The following COQ5 variants were observed in gnomAD, a reference collection of about 807,000 sequenced individuals.
COQ5 encodes 2-methoxy-6-polyprenyl-1,4-benzoquinol methylase, mitochondrial.
COQ5 carries 27 observed loss-of-function variants against 40.5 expected under a neutral mutation model. The ratio of observed to expected loss-of-function variants is 0.67; its 90% CI spans 0.49 to 0.92. The LOEUF is 0.92. Ranked by LOEUF, COQ5 falls within the 40% of genes least tolerant of loss-of-function variation. The pLI is 0.00. For synonymous variants in COQ5, 141 were observed against 150.0 expected, an observed-to-expected ratio of 0.94 and a Z score of 0.44; for missense variants, 409 against 406.4, an observed-to-expected ratio of 1.01 and a Z score of -0.06.
chr12:120,527,185 A>G (rs1869993016), intron 1 of COQ5: 1 of 151,220 alleles, frequency 6.6e-6, no homozygotes, highest in Non-Finnish European at 1.5e-5. Flanking sequence ...CAGGTTCAAG[A>G]AATTTGCCTG....
intron 4 of COQ5, among the ~76,000 whole-genome samples, chr12:120,505,916 C>T (rs1398339034): frequency 6.6e-6 from 1 of 151,570 alleles, no homozygotes; most frequent in African/African-American, 2.4e-5. Context: ...AGTGCAATGG[C>T]ATGATCTCAG....
At chr12:120,525,161 G>A (rs763921654) in intron 1 of COQ5, among the ~76,000 whole-genome samples, 18 of 151,858 alleles carry the variant, frequency 1.2e-4, no homozygotes, top group Admixed American at 5.3e-4. Context: ...GTACAGTGGC[G>A]CAATCTCGGC....
intron 2 of COQ5, among the ~76,000 whole-genome samples, chr12:120,516,995 A>C (rs1869406631): frequency 6.6e-6 from 1 of 152,214 alleles, no homozygotes; most frequent in South Asian, 2.1e-4. Context: ...GTGCAGAGGC[A>C]CAATCATAGC....
chr12:120,516,968 C>A (rs1019384448), intron 2 of COQ5, among the ~76,000 whole-genome samples, 180 bp from the exon 3 acceptor site: 7 of 152,250 alleles, frequency 4.6e-5, no homozygotes, highest in Non-Finnish European at 1.0e-4. Context: ...GGGACTCACT[C>A]CATCACCCTA....
intron 4 of COQ5, among the ~76,000 whole-genome samples, chr12:120,505,670 C>T (rs1261497817): frequency 6.6e-6 from 1 of 151,722 alleles, no homozygotes; most frequent in Non-Finnish European, 1.5e-5. Flanking sequence ...GATTTTCCTG[C>T]CTCAGCCTCC....
At chr12:120,523,422 TG>T in intron 1 of COQ5, 1 of 406,926 alleles carries the variant, frequency 2.5e-6, no homozygotes, top group Non-Finnish European at 4.8e-6. Flanking sequence ...CTGTGTGTGG[TG>T]TGGTTCTTAG....
At chr12:120,508,545 A>G (rs1186520932) in intron 4 of COQ5, among the ~76,000 whole-genome samples, 1 of 152,078 alleles carries the variant, frequency 6.6e-6, no homozygotes, top group Non-Finnish European at 1.5e-5. Context: ...AAAACATAGG[A>G]AAAAAAAGAA....
At chr12:120,514,326 G>C (rs140657355) in intron 3 of COQ5, among the ~76,000 whole-genome samples, 1 of 152,182 alleles carries the variant, frequency 6.6e-6, no homozygotes, top group Non-Finnish European at 1.5e-5. Context: ...ACTCATGGTG[G>C]GGGAGGAGAA....
chr12:120,517,442 G>A (rs547986053), intron 2 of COQ5, among the ~76,000 whole-genome samples: 34 of 151,516 alleles, frequency 2.2e-4, no homozygotes, highest in Admixed American at 1.4e-3. Flanking sequence ...AGGCCGAGGC[G>A]GTTGGATCAC....
In COQ5 at chr12:120,529,115, T is replaced by A; in HGVS notation, c.27A>T (p.Leu9=). Residue 9 remains leucine (L), a synonymous_variant, in exon 1 of 7, where the codon CTA becomes CTT. Coordinates refer to ENST00000288532, the MANE Select transcript of COQ5 (RefSeq NM_032314.4). MAAPGSCA[L]WSYCGRGWSR... is the part of the protein sequence containing the mutation. ...ACCACCCACGGCCGCAATAGCTCCA[T>A]AGAGCACAGCTCCCGGGGGCCGCCA... 6.2e-7 allele frequency: 1 copy of A among 1,613,926 alleles called. No individual in the cohort carries two copies. The highest frequency in any genetic ancestry group is 8.5e-7 in the Non-Finnish European group (1 of 1,179,932).
rs981437226 is a variant in COQ5 at position 120,522,616 on chromosome 12, G to A, written c.203-253C>T. The A allele has an allele frequency of 4.0e-5, 26 of 651,010 alleles. No homozygotes were observed. In the African/African-American group the frequency reaches 4.5e-4, roughly 11 times the overall value. 40.3% of individuals were successfully genotyped at this position (651,010 alleles called of 1,614,324 possible). A position where few individuals can be genotyped will look rare whatever the true frequency, so the allele number is the denominator to read the frequency against. On this transcript the variant is annotated intron_variant, in intron 1 of 6. Coordinates refer to ENST00000288532, the MANE Select transcript of COQ5 (RefSeq NM_032314.4). ...GCCCCATGCAGATGGCAGTCCAGGG[G>A]GGTCACACCAGTCCTTCTGTCCTCA...
At chr12:120,520,510 G>GAGACAGGGTTTCACCATGTTGGCCA (rs1869596159) in intron 2 of COQ5, among the ~76,000 whole-genome samples, 1 of 152,086 alleles carries the variant, frequency 6.6e-6, no homozygotes, top group South Asian at 2.1e-4. Context: ...ATTTTTAGTA[G>GAGACAGGGTTTCACCATGTTGGCCA]AGACAGGGTT....
intron 1 of COQ5, among the ~76,000 whole-genome samples, chr12:120,526,698 A>ATTTTTTTTTTTTTTTTTTTTTTTTTTTTT (rs61584250): frequency 4.7e-5 from 3 of 64,150 alleles, no homozygotes; most frequent in African/African-American, 2.5e-4. Flanking sequence ...ACTCTTGGCA[A>ATTTTTTTTTTTTTTTTTTTTTTTTTTTTT]TTTTTTTTTT....
In COQ5 at chr12:120,503,726, T is replaced by C. The variant is rs1319983305; in HGVS notation, c.*58A>G. 1.5e-6 allele frequency: 2 copies of C among 1,300,292 alleles called. No homozygotes were observed. The highest frequency in any genetic ancestry group is 3.4e-5 in the Admixed American group (2 of 58,566). The allele number at this position is 1,300,292 out of a possible 1,614,324, so 80.5% of individuals were successfully genotyped here. On this transcript the variant is annotated 3_prime_UTR_variant, in exon 7 of 7. Transcript: ENST00000288532. ...TGCTGTCTCATTTGCCAGATTATCC[T>C]TCAGTTCCAGGCTTTCAACAGGATA...
chr12:120,523,970 A>G, intron 1 of COQ5: 1 of 395,524 alleles, frequency 2.5e-6, no homozygotes, highest in South Asian at 1.8e-5. Context: ...AAATTGGACC[A>G]CTGCATTCCA....
chr12:120,511,052 C>T (rs1244193285), intron 3 of COQ5, among the ~76,000 whole-genome samples: 1 of 151,858 alleles, frequency 6.6e-6, no homozygotes. Flanking sequence ...AGGCAGATCA[C>T]GAGGTCAGGA....
At chr12:120,527,562 G>A (rs1752597543) in intron 1 of COQ5, among the ~76,000 whole-genome samples, 1 of 152,106 alleles carries the variant, frequency 6.6e-6, no homozygotes, top group Non-Finnish European at 1.5e-5. Context: ...ACTGTGCACA[G>A]CGAGGACTGT....
Position 120,522,487 on chromosome 12 carries a change from G to A in COQ5, c.203-124C>T, listed in dbSNP as rs536400090. ...TGGCTTTGCAAGGTGAAACTAAGTC[G>A]TAATGCTTGATGCCCAAATCTACAC... On this transcript the variant is annotated intron_variant, in intron 1 of 6. Coordinates refer to ENST00000288532, the MANE Select transcript of COQ5 (RefSeq NM_032314.4). 906 of 880,320 alleles carry A rather than the reference G, an allele frequency of 1.0e-3. 1 individual carries two copies. Among genetic ancestry groups the A allele is most frequent in the Admixed American group, 2.1e-3 (121 of 56,472 alleles). The allele number at this position is 880,320 out of a possible 1,614,324, so 54.5% of individuals were successfully genotyped here. A position where few individuals can be genotyped will look rare whatever the true frequency, so the allele number is the denominator to read the frequency against.
In COQ5 at chr12:120,516,639, C is replaced by T. The variant is rs745427038; in HGVS notation, c.502G>A (p.Val168Met). 16 of 1,614,088 alleles carry T rather than the reference C, an allele frequency of 9.9e-6. No individual in the cohort carries two copies. The highest frequency in any genetic ancestry group is 1.6e-4 in the Middle Eastern group (1 of 6,084). ...ATCTCCTTGTTGATGTCACACACCACGACACGAGACCCGCCCAAGGAATCT... is the reference window on the plus strand; with the variant it reads ...ATCTCCTTGTTGATGTCACACACCATGACACGAGACCCGCCCAAGGAATCT... Reference protein sequence around the residue: ...EEDSLGGSRVVVCDINKEMLK... With the variant: ...EEDSLGGSRVMVCDINKEMLK... The change falls in exon 3 of 7, where the codon GTG (valine) becomes ATG (methionine). Residue 168 changes from valine to methionine, a missense_variant. Physicochemically the swap from Val to Met is conservative, Grantham distance 21. Coordinates refer to ENST00000288532, the MANE Select transcript of COQ5 (RefSeq NM_032314.4).
Sources: allele counts gnomAD v4.1 joint callset (sites outside exome capture counted in the v4.1 genomes callset), GRCh38; gene constraint gnomAD v4.1.1; transcripts MANE v1.5; gene names NCBI Gene and HGNC (gene_info 2026-07-23, HGNC 2026-07-21).